Variants in TMEM72 observed in about 807,000 individuals in gnomAD.
TMEM72 encodes the protein kidney-specific secretory protein of 37 kDa.
Under a neutral mutation model 16.3 loss-of-function variants are expected in TMEM72, and 9 were observed. The ratio of observed to expected loss-of-function variants is 0.55; its 90% CI spans 0.33 to 0.96. The LOEUF (loss-of-function observed/expected upper bound fraction) is 0.96, where lower values mean the gene tolerates loss of function less well. TMEM72 is among the 40% of genes least tolerant of loss of function. TMEM72 has a pLI of 0.03. For synonymous variants in TMEM72, 160 were observed against 146.5 expected (o/e 1.09, Z -0.66); for missense variants, 324 against 337.8 (o/e 0.96, Z 0.32).
intron 1 of TMEM72, among the ~76,000 whole-genome samples, chr10:44,919,734 A>G (rs146021149): frequency 6.6e-6 from 1 of 152,328 alleles, no homozygotes; most frequent in East Asian, 1.9e-4. Flanking sequence ...TTTCAATAGG[A>G]GCTCAATCTG....
chr10:44,925,676 T>C (rs779122321), intron 1 of TMEM72, among the ~76,000 whole-genome samples: 51 of 152,234 alleles, frequency 3.4e-4, no homozygotes, highest in Non-Finnish European at 6.8e-4. Context: ...AAACTCAGGA[T>C]CTGACCTGGG....
intron 1 of TMEM72, among the ~76,000 whole-genome samples, chr10:44,913,974 T>C (rs1441253984): frequency 1.3e-5 from 2 of 152,212 alleles, no homozygotes; most frequent in African/African-American, 4.8e-5. Flanking sequence ...GAGTGTCACC[T>C]GCAGGGACCA....
At chr10:44,933,547 A>T in intron 3 of TMEM72, 90 bp from the exon 4 acceptor site, 1 of 1,512,102 alleles carries the variant, frequency 6.6e-7, no homozygotes, top group Non-Finnish European at 8.9e-7. Context: ...GAGCATGCCC[A>T]CAGCAGGGCC....
intron 1 of TMEM72, among the ~76,000 whole-genome samples, chr10:44,921,392 A>G (rs1704684250): frequency 1.4e-5 from 2 of 146,424 alleles, no homozygotes; most frequent in African/African-American, 5.1e-5. Context: ...AGTGCTGTTC[A>G]GTGTTCCCTT....
intron 1 of TMEM72, among the ~76,000 whole-genome samples, chr10:44,913,489 C>T (rs1050161623): frequency 5.3e-5 from 8 of 152,168 alleles, no homozygotes; most frequent in Non-Finnish European, 1.2e-4. Flanking sequence ...AACCCGTGCG[C>T]GCGCACATAG....
In TMEM72 at chr10:44,915,490, T is replaced by G. The variant is rs532869329; in HGVS notation, c.70+3908T>G. Among the ~76,000 whole-genome samples, 24 of 152,250 alleles carry G rather than the reference T, an allele frequency of 1.6e-4. No homozygotes were observed. In the South Asian group the frequency reaches 4.8e-3, roughly 30 times the overall value. The stretch of plus-strand genomic sequence containing the variant: ...AGCAAGAAGACAAAGTTCCACCTGA[T>G]GATGGTCTGCTCCTGAGACTCCACT... On this transcript the variant is annotated intron_variant, in intron 1 of 4. Transcript: ENST00000389583.
At chr10:44,923,202 C>T (rs1187775115) in intron 1 of TMEM72, 1 of 152,308 alleles carries the variant, frequency 6.6e-6, no homozygotes, top group Non-Finnish European at 1.5e-5. Context: ...TCCATCACTT[C>T]CAGTCTATGT....
chr10:44,925,430 C>T (rs1427473184), intron 1 of TMEM72, among the ~76,000 whole-genome samples: 1 of 152,246 alleles, frequency 6.6e-6, no homozygotes, highest in Non-Finnish European at 1.5e-5. Flanking sequence ...AAGTGGAGCC[C>T]ATGCCTGTCC....
Position 44,911,525 on chromosome 10 carries a change from G to T in TMEM72, c.13G>T (p.Val5Leu), listed in dbSNP as rs764416482. Residue 5 changes from valine (V) to leucine (L), a missense_variant, in exon 1 of 5, where the codon GTG becomes TTG. Physicochemically the swap from Val to Leu is conservative, Grantham distance 32. Transcript: ENST00000389583. MQLQ[V>L]FWTGLEYTCR... ...CACCCCTGGCACCATGCAGCTCCAG[G>T]TGTTCTGGACTGGGCTGGAATACAC... 2 of 1,551,190 alleles carry T rather than the reference G, an allele frequency of 1.3e-6. No homozygotes were observed. Among genetic ancestry groups the T allele is most frequent in the Non-Finnish European group, 1.7e-6 (2 of 1,147,170 alleles).
chr10:44,915,005 G>C (rs752200042), intron 1 of TMEM72, among the ~76,000 whole-genome samples: 1 of 152,220 alleles, frequency 6.6e-6, no homozygotes, highest in Non-Finnish European at 1.5e-5. Context: ...CTCTCAGGCC[G>C]TCCAGGCTGG....
intron 1 of TMEM72, among the ~76,000 whole-genome samples, chr10:44,921,762 G>A (rs984712288): frequency 6.6e-6 from 1 of 152,190 alleles, no homozygotes; most frequent in Admixed American, 6.5e-5. Flanking sequence ...TAAATTCCAA[G>A]AGGAGCTAGA....
chr10:44,934,975 C>T lies in TMEM72; in HGVS notation c.669C>T (p.His223=), dbSNP rs767417890. The T allele has an allele frequency of 1.2e-6, 2 of 1,614,114 alleles. No individual in the cohort carries two copies. Among genetic ancestry groups the T allele is most frequent in the Non-Finnish European group, 1.7e-6 (2 of 1,180,028 alleles). The change falls in exon 5 of 5, where the codon CAC becomes CAT. Residue 223 remains histidine (H), a synonymous_variant. Coordinates refer to ENST00000389583, the MANE Select transcript of TMEM72 (RefSeq NM_001123376.3). ...CCCTGGCCAAGAAGAAGCAGGTGCACTTTGAAGACAACTTGGTCCGCATAG... is the reference window on the plus strand; with the variant it reads ...CCCTGGCCAAGAAGAAGCAGGTGCATTTTGAAGACAACTTGGTCCGCATAG... ...ADSLAKKKQV[H]FEDNLVRIVP...
chr10:44,926,136 CACTCACATATAT>C (rs1365030901), intron 1 of TMEM72, among the ~76,000 whole-genome samples: 2 of 152,056 alleles, frequency 1.3e-5, no homozygotes, highest in African/African-American at 4.8e-5. Context: ...TACACTCACA[CACTCACATATAT>C]ACTCACATAT....
chr10:44,926,803 C>A (rs1054750762), intron 1 of TMEM72, among the ~76,000 whole-genome samples: 18 of 151,876 alleles, frequency 1.2e-4, no homozygotes, highest in Non-Finnish European at 2.4e-4. Context: ...CCACCCCCCA[C>A]CCCCAGAATC....
At chr10:44,912,685 G>C (rs1476914753) in intron 1 of TMEM72, among the ~76,000 whole-genome samples, 2 of 152,218 alleles carry the variant, frequency 1.3e-5, no homozygotes, top group East Asian at 3.9e-4. Flanking sequence ...CAGGAACTGA[G>C]CATGGCTAAG....
intron 3 of TMEM72, among the ~76,000 whole-genome samples, chr10:44,933,296 T>C (rs574292532): frequency 5.9e-5 from 9 of 152,262 alleles, no homozygotes; most frequent in Non-Finnish European, 1.3e-4. Context: ...GCTCCCAAAC[T>C]GCACACTTTC....
rs374467546 is a variant in TMEM72 at position 44,932,072 on chromosome 10, A to G, written c.209+3A>G. On this transcript the variant is annotated splice_donor_region_variant and intron_variant, in intron 3 of 4. Coordinates refer to ENST00000389583, the MANE Select transcript of TMEM72 (RefSeq NM_001123376.3). Reference sequence around the variant, plus strand: ...CAGCTGCTGGCCATCTGCTTCCAGTAAGTAGTTTCCAGAGAGACCCCTCCA... The same window carrying G: ...CAGCTGCTGGCCATCTGCTTCCAGTGAGTAGTTTCCAGAGAGACCCCTCCA... The G allele has an allele frequency of 1.3e-4, 208 of 1,612,298 alleles. 1 individual carries two copies. The highest frequency in any genetic ancestry group is 1.6e-4 in the Non-Finnish European group (190 of 1,179,264).
intron 1 of TMEM72, chr10:44,919,781 A>G (rs1840065909): frequency 6.6e-6 from 1 of 152,278 alleles, no homozygotes; most frequent in Admixed American, 6.5e-5. Context: ...AATATCTGCC[A>G]TGAAATCCTT....
At chr10:44,928,476 A>C (rs1840237472) in intron 2 of TMEM72, among the ~76,000 whole-genome samples, 1 of 151,354 alleles carries the variant, frequency 6.6e-6, no homozygotes, top group Admixed American at 6.6e-5. Flanking sequence ...CCATCCACCC[A>C]CCCATCCATC....
Sources: allele counts gnomAD v4.1 joint callset (sites outside exome capture counted in the v4.1 genomes callset), GRCh38; gene constraint gnomAD v4.1.1; transcripts MANE v1.5; gene names NCBI Gene and HGNC (gene_info 2026-07-23, HGNC 2026-07-21).